Variants in GPATCH3 observed in about 807,000 individuals in gnomAD.
GPATCH3 encodes G patch domain-containing protein 3.
In GPATCH3, 45 loss-of-function variants were observed where a neutral mutation model predicts 53.2. That is an observed-to-expected ratio of 0.85 (90% CI 0.67 to 1.08). The LOEUF (loss-of-function observed/expected upper bound fraction) is 1.08, where lower values mean the gene tolerates loss of function less well. Among genes scored for constraint, GPATCH3 ranks in the 50% least tolerant of loss-of-function variants. GPATCH3 has a pLI of 0.00. For synonymous variants in GPATCH3, 280 were observed against 270.6 expected, an observed-to-expected ratio of 1.03 and a Z score of -0.34; for missense variants, 680 against 687.2, an observed-to-expected ratio of 0.99 and a Z score of 0.12.
chr1:26,892,890 A>T, intron 4 of GPATCH3, 99 bp from the exon 5 acceptor site: 4 of 1,435,878 alleles, frequency 2.8e-6, no homozygotes, highest in Non-Finnish European at 3.8e-6. Flanking sequence ...TATTCATTTT[A>T]ATAGTGTTCT....
At chr1:26,898,650 T>C (rs367979604) in intron 1 of GPATCH3, among the ~76,000 whole-genome samples, 1 of 151,372 alleles carries the variant, frequency 6.6e-6, no homozygotes, top group African/African-American at 2.4e-5. Context: ...ACAATTTTTC[T>C]CCTAATTTCT....
rs948899107 is a variant in GPATCH3, at chr1:26,892,413, C to T, written c.1359G>A (p.Leu453=). The T allele has an allele frequency of 1.2e-5, 20 of 1,612,206 alleles. No individual in the cohort carries two copies. The highest frequency in any genetic ancestry group is 1.7e-5 in the Non-Finnish European group (20 of 1,179,092). The change falls in exon 6 of 7, where the codon TTG becomes TTA. Residue 453 remains leucine (L), a splice_region_variant and synonymous_variant. Coordinates refer to ENST00000361720, the MANE Select transcript of GPATCH3 (RefSeq NM_022078.3). Reference sequence around the variant, plus strand: ...GGAAGTCCCTCAGTCACACTTACCCCAATCCACGCTTGCATCTGGGGTGTT... The same window carrying T: ...GGAAGTCCCTCAGTCACACTTACCCTAATCCACGCTTGCATCTGGGGTGTT... The part of the protein sequence containing the change: ...DGQHPRCKRG[L]GYHGEKLQPF...
rs2081955622 is a variant in GPATCH3, at chr1:26,897,370, T to G, written c.807A>C (p.Pro269=). ...CCTCAGGCTCTCCACAGGGGCTGGC[T>G]GGTATATCTGCCAGGTAGGTTCCTT... ...IPQGTYLADI[P]ASPCGEPEEE... The change falls in exon 2 of 7, where the codon CCA becomes CCC. Residue 269 remains proline, a synonymous_variant. Transcript: ENST00000361720. 1.9e-6 allele frequency: 3 copies of G among 1,614,090 alleles called. No homozygotes were observed. In the South Asian group the frequency reaches 3.3e-5, roughly 18 times the overall value.
intron 1 of GPATCH3, among the ~76,000 whole-genome samples, chr1:26,899,035 A>T (rs1326658350): frequency 1.3e-5 from 2 of 152,144 alleles, no homozygotes; most frequent in African/African-American, 4.8e-5. Flanking sequence ...TGCAAACGCC[A>T]TTTACCCTGA....
intron 2 of GPATCH3, among the ~76,000 whole-genome samples, chr1:26,896,846 C>G (rs926713024): frequency 6.6e-6 from 1 of 151,866 alleles, no homozygotes; most frequent in African/African-American, 2.4e-5. Context: ...CACAGTGAAA[C>G]CCCGTCTCTA....
At chr1:26,899,750 G>A (rs953297123) in intron 1 of GPATCH3, among the ~76,000 whole-genome samples, 11 of 152,174 alleles carry the variant, frequency 7.2e-5, no homozygotes, top group African/African-American at 2.7e-4. Flanking sequence ...CAACCCCTTG[G>A]ATAGAGAAAG....
chr1:26,895,343 G>C (rs946895620), intron 2 of GPATCH3, among the ~76,000 whole-genome samples: 1 of 151,972 alleles, frequency 6.6e-6, no homozygotes, highest in Non-Finnish European at 1.5e-5. Flanking sequence ...TAGGCAACAA[G>C]TCAAAACCCT....
chr1:26,892,688 G>T lies in GPATCH3; in HGVS notation c.1215C>A (p.Thr405=). The T allele has an allele frequency of 1.2e-6, 2 of 1,614,136 alleles. No individual in the cohort carries two copies. Among genetic ancestry groups the T allele is most frequent in the Non-Finnish European group, 1.7e-6 (2 of 1,180,020 alleles). Residue 405 remains threonine, a synonymous_variant, in exon 5 of 7, where the codon ACC becomes ACA. Coordinates refer to ENST00000361720, the MANE Select transcript of GPATCH3 (RefSeq NM_022078.3). ...DGSVIERQVG[T]FERHTKGIGR... ...AACTCACCTTGGTGTGGCGCTCAAA[G>T]GTGCCCACCTGGCGTTCGATCACAG...
chr1:26,890,600 C>G lies in GPATCH3; in HGVS notation c.*410G>C. ...GGGTAGAGGCGGTGGAGGGCCCACC[C>G]AAGGCCGGCTCTTCCAAGCACCACA... On this transcript the variant is annotated 3_prime_UTR_variant, in exon 7 of 7. Transcript: ENST00000361720. The G allele has an allele frequency of 2.7e-6, 1 of 372,714 alleles. No individual in the cohort carries two copies. Among genetic ancestry groups the G allele is most frequent in the South Asian group, 2.3e-5 (1 of 44,060 alleles). 23.1% of individuals were successfully genotyped at this position (372,714 alleles called of 1,614,324 possible). A position where few individuals can be genotyped will look rare whatever the true frequency, so the allele number is the denominator to read the frequency against.
chr1:26,893,003 CA>C (rs2081935454), intron 4 of GPATCH3: 1 of 601,782 alleles, frequency 1.7e-6, no homozygotes, highest in African/African-American at 1.9e-5. Context: ...ACAGAGCCAA[CA>C]AATGACAGAG....
intron 2 of GPATCH3, among the ~76,000 whole-genome samples, chr1:26,894,884 C>T (rs2081943922): frequency 6.6e-6 from 1 of 152,118 alleles, no homozygotes; most frequent in Non-Finnish European, 1.5e-5. Context: ...AGGCCCTTCC[C>T]ATAGCTTAGC....
At chr1:26,891,555 A>T (rs1186052923) in intron 6 of GPATCH3, among the ~76,000 whole-genome samples, 4 of 150,312 alleles carry the variant, frequency 2.7e-5, no homozygotes, top group Non-Finnish European at 4.4e-5. Flanking sequence ...TTATTTATTT[A>T]TTTATTTCTG....
In GPATCH3 at chr1:26,894,248, C is replaced by T; in HGVS notation, c.1039G>A (p.Glu347Lys). ...VFYTDAQFWQ[E>K]EEGDFDEQTA... Reference sequence around the variant, plus strand: ...GTACCAGCATTACCTCCTTCTTCCTCCTGCCAGAACTGGGCATCAGTATAA... The same window carrying T: ...GTACCAGCATTACCTCCTTCTTCCTTCTGCCAGAACTGGGCATCAGTATAA... The change falls in exon 3 of 7, where the codon GAG becomes AAG. Residue 347 changes from glutamate to lysine, a missense_variant. Glu to Lys is a moderately conservative substitution (Grantham distance 56). Transcript: ENST00000361720. 6.2e-7 allele frequency: 1 copy of T among 1,614,016 alleles called. No homozygotes were observed. Among genetic ancestry groups the T allele is most frequent in the Non-Finnish European group, 8.5e-7 (1 of 1,179,928 alleles).
At chr1:26,895,639 G>T (rs900437969) in intron 2 of GPATCH3, among the ~76,000 whole-genome samples, 4 of 151,300 alleles carry the variant, frequency 2.6e-5, no homozygotes, top group African/African-American at 7.3e-5. Context: ...ATCTTGGCTG[G>T]GAGCTTTTTT....
chr1:26,897,336 C>G lies in GPATCH3; in HGVS notation c.841G>C (p.Gly281Arg). 6.2e-7 allele frequency: 1 copy of G among 1,614,196 alleles called. No individual in the cohort carries two copies. The highest frequency in any genetic ancestry group is 1.7e-5 in the Admixed American group (1 of 60,016). ...TGAGACTCTTCTTCCTCTTCCTTCCCCACTTCTTCCTCAGGCTCTCCACAG... is the reference window on the plus strand; with the variant it reads ...TGAGACTCTTCTTCCTCTTCCTTCCGCACTTCTTCCTCAGGCTCTCCACAG... ...SPCGEPEEEV[G>R]KEEEEESHSD... is the part of the protein sequence containing the mutation. The change falls in exon 2 of 7, where the codon GGG (glycine) becomes CGG (arginine). Residue 281 changes from glycine to arginine, a missense_variant. Physicochemically the swap from Gly to Arg is moderately radical, Grantham distance 125. Transcript: ENST00000361720.
At chr1:26,896,726 A>C (rs559671394) in intron 2 of GPATCH3, among the ~76,000 whole-genome samples, 1 of 148,694 alleles carries the variant, frequency 6.7e-6, no homozygotes, top group East Asian at 2.0e-4. Flanking sequence ...AAAATGAATA[A>C]AGAGGAACCA....
intron 6 of GPATCH3, among the ~76,000 whole-genome samples, chr1:26,891,833 G>A (rs1024318915): frequency 6.6e-6 from 1 of 152,032 alleles, no homozygotes; most frequent in Non-Finnish European, 1.5e-5. Context: ...TCAGCCTCCT[G>A]AGTAGCTGGG....
At chr1:26,899,228 A>C (rs1251591746) in intron 1 of GPATCH3, among the ~76,000 whole-genome samples, 6 of 152,144 alleles carry the variant, frequency 3.9e-5, no homozygotes, top group Non-Finnish European at 8.8e-5. Context: ...TCTGACACTA[A>C]CTAACTCTGT....
intron 1 of GPATCH3, 52 bp downstream of exon 1, chr1:26,899,940 G>T (rs1018761018): frequency 1.3e-6 from 2 of 1,524,518 alleles, no homozygotes; most frequent in East Asian, 2.2e-5. Context: ...CTCTGAAAAG[G>T]TGCCTCTGTT....
Sources: allele counts gnomAD v4.1 joint callset (sites outside exome capture counted in the v4.1 genomes callset), GRCh38; gene constraint gnomAD v4.1.1; transcripts MANE v1.5; gene names NCBI Gene and HGNC (gene_info 2026-07-23, HGNC 2026-07-21).